Variants in LYRM4 observed in about 807,000 individuals in gnomAD.
The protein encoded by LYRM4 is LYR motif-containing protein 4.
LYRM4 carries 9 observed loss-of-function variants against 11.7 expected under a neutral mutation model. The ratio of observed to expected loss-of-function variants is 0.77; its 90% CI spans 0.46 to 1.34. The LOEUF (loss-of-function observed/expected upper bound fraction) is 1.34, where lower values mean the gene tolerates loss of function less well. LYRM4 is among the 40% of genes most tolerant of loss of function. The probability of loss-of-function intolerance (pLI) is 0.00; values close to 1 mark genes in which losing one functional copy is unlikely to be tolerated. For missense variants in LYRM4, 133 were observed against 112.5 expected (o/e 1.18, Z -0.82); for synonymous variants, 42 against 40.4 (o/e 1.04, Z -0.15).
the LYRM4 span, chr6:5,066,881 C>T: frequency 9.5e-7 from 1 of 1,048,562 alleles, no homozygotes. Context: ...CCGGCAAGTG[C>T]TTTCGCATCG....
chr6:5,083,053 T>G, the LYRM4 span, among the ~76,000 whole-genome samples: 1 of 152,088 alleles, frequency 6.6e-6, no homozygotes, highest in African/African-American at 2.4e-5. Context: ...GGGTGGGACC[T>G]CTAGCATTTC....
At chr6:5,215,270 C>A (rs2127722228) in intron 2 of LYRM4, among the ~76,000 whole-genome samples, 1 of 152,318 alleles carries the variant, frequency 6.6e-6, no homozygotes, top group South Asian at 2.1e-4. Flanking sequence ...AGTAAGAACT[C>A]AGCTGCTTGT....
chr6:5,104,240 A>T (rs1762593940), downstream of LYRM4: 1 of 152,126 alleles, frequency 6.6e-6, no homozygotes, highest in Non-Finnish European at 1.5e-5. Flanking sequence ...GTTACGGGTA[A>T]AATCTTTATA....
downstream of LYRM4, chr6:5,107,264 T>C (rs1561799326): frequency 6.6e-6 from 1 of 152,250 alleles, no homozygotes; most frequent in South Asian, 2.1e-4. Context: ...ACGTTAAGTT[T>C]GGGTGGACTG....
downstream of LYRM4, among the ~76,000 whole-genome samples, chr6:5,099,380 A>AG (rs1762430852): frequency 1.2e-5 from 1 of 85,468 alleles, no homozygotes; most frequent in East Asian, 3.8e-4. This position sits in a 1 kb window ranked among gnomAD's most constrained non-coding sequence, Gnocchi z 4.3. Flanking sequence ...AATTAAAAAA[A>AG]AAATCTATTT....
downstream of LYRM4, among the ~76,000 whole-genome samples, chr6:5,102,044 C>T (rs1762522201): frequency 3.6e-5 from 5 of 138,946 alleles, no homozygotes; most frequent in South Asian, 2.3e-4. Context: ...CCTCTTGCTT[C>T]GTCCTTCCAA....
intron 1 of LYRM4, among the ~76,000 whole-genome samples, chr6:5,249,251 C>A (rs1338044994): frequency 6.6e-6 from 1 of 152,122 alleles, no homozygotes; most frequent in Non-Finnish European, 1.5e-5. Flanking sequence ...ACCAAGGTCA[C>A]AGAATAAAAA....
intron 2 of LYRM4, among the ~76,000 whole-genome samples, chr6:5,134,262 A>G (rs412628): frequency 0.61 from 92,440 of 151,962 alleles, 28,583 homozygotes; most frequent in East Asian, 0.81. Flanking sequence ...TAGAGCTTTC[A>G]GTTTTTATGT....
chr6:5,205,435 C>CG (rs1761639991), intron 2 of LYRM4, among the ~76,000 whole-genome samples: 1 of 150,786 alleles, frequency 6.6e-6, no homozygotes, highest in African/African-American at 2.5e-5. Flanking sequence ...ATACGACTAT[C>CG]GGGGGACAGG....
At chr6:5,191,236 C>T (rs992361720) in intron 2 of LYRM4, among the ~76,000 whole-genome samples, 20 of 152,092 alleles carry the variant, frequency 1.3e-4, no homozygotes, top group Admixed American at 2.6e-4. Flanking sequence ...GAAAAGTTCA[C>T]GATGCATTTG....
At chr6:5,235,490 A>C (rs960530948) in intron 1 of LYRM4, among the ~76,000 whole-genome samples, 3 of 152,154 alleles carry the variant, frequency 2.0e-5, no homozygotes, top group African/African-American at 7.2e-5. Flanking sequence ...TTTGGACAAT[A>C]GTTTTATGTT....
intron 2 of LYRM4, among the ~76,000 whole-genome samples, chr6:5,180,336 C>A (rs558037847): frequency 6.6e-6 from 1 of 152,302 alleles, no homozygotes; most frequent in African/African-American, 2.4e-5. Flanking sequence ...GATTTCCTTA[C>A]TGTGACAATG....
At chr6:5,154,177 A>C (rs561000355) in intron 2 of LYRM4, among the ~76,000 whole-genome samples, 6 of 152,304 alleles carry the variant, frequency 3.9e-5, no homozygotes, top group African/African-American at 1.4e-4. Flanking sequence ...TCCCCACCCC[A>C]TCAAGTAATT....
At chr6:5,244,695 A>T (rs770789861) in intron 1 of LYRM4, among the ~76,000 whole-genome samples, 41 of 152,098 alleles carry the variant, frequency 2.7e-4, no homozygotes, top group Non-Finnish European at 5.1e-4. Context: ...AGCATGAGGC[A>T]CCGAGAGGGC....
At chr6:5,059,117 G>T in the LYRM4 span, among the ~76,000 whole-genome samples, 32 of 152,124 alleles carry the variant, frequency 2.1e-4, no homozygotes, top group Non-Finnish European at 4.3e-4. Flanking sequence ...GAGGCCGGAG[G>T]ATCCCTTGAG....
rs1158676783 is a variant in LYRM4, at chr6:5,245,113, AAT to A, written c.86+15533_86+15534del. Among the ~76,000 whole-genome samples, 195 of 24,114 alleles carry A rather than the reference AAT, an allele frequency of 8.1e-3. 2 individuals are homozygous for A. The highest frequency in any genetic ancestry group is 0.014 in the African/African-American group (75 of 5,266). The allele number at this position is 24,114 out of a possible 152,430, so 15.8% of individuals were successfully genotyped here. ...TTAAAAAAAAAAAAAAAAAAAAAAA[AAT>A]ATATATATATATATATATATATATA... is the stretch of plus-strand genomic sequence containing the variant. On this transcript the variant is annotated intron_variant, in intron 1 of 2. Transcript: ENST00000330636.
chr6:5,067,407 C>T, the LYRM4 span, among the ~76,000 whole-genome samples: 1,646 of 152,328 alleles, frequency 0.011, 18 homozygotes, highest in Non-Finnish European at 0.018. Context: ...CTACAGCCAT[C>T]AGAGTCTTAA....
intron 2 of LYRM4, among the ~76,000 whole-genome samples, chr6:5,138,017 G>A (rs1757188516): frequency 6.6e-6 from 1 of 152,186 alleles, no homozygotes; most frequent in Non-Finnish European, 1.5e-5. Flanking sequence ...AAAACGTACT[G>A]GGGAAGGTGG....
chr6:5,077,477 G>A, the LYRM4 span, among the ~76,000 whole-genome samples: 1 of 152,104 alleles, frequency 6.6e-6, no homozygotes, highest in African/African-American at 2.4e-5. Flanking sequence ...GACTCCCAGT[G>A]GTTTTTTCTG....
Sources: allele counts gnomAD v4.1 joint callset (sites outside exome capture counted in the v4.1 genomes callset), GRCh38; gene constraint gnomAD v4.1.1; non-coding constraint Gnocchi (gnomAD v3.1); transcripts MANE v1.5; gene names NCBI Gene and HGNC (gene_info 2026-07-23, HGNC 2026-07-21).